The following CDH18 variants were observed in gnomAD, a reference collection of about 807,000 sequenced individuals.
CDH18 encodes cadherin-18.
Under a neutral mutation model 67.9 loss-of-function variants are expected in CDH18, and 31 were observed. That is an observed-to-expected ratio of 0.46 (90% CI 0.34 to 0.62). CDH18 has a LOEUF of 0.62. CDH18 is among the 20% of genes least tolerant of loss of function. The pLI is 0.01. For synonymous variants in CDH18, 362 were observed against 347.2 expected (o/e 1.04, Z -0.48); for missense variants, 890 against 975.5 (o/e 0.91, Z 1.17).
At chr5:19,987,276 A>G (rs986790301) in intron 1 of CDH18, among the ~76,000 whole-genome samples, 1 of 151,902 alleles carries the variant, frequency 6.6e-6, no homozygotes, top group Admixed American at 6.6e-5. Flanking sequence ...ACACACACAC[A>G]CACACACACA....
intron 4 of CDH18, among the ~76,000 whole-genome samples, chr5:19,727,474 A>T (rs991395119): frequency 1.7e-4 from 26 of 152,170 alleles, no homozygotes; most frequent in African/African-American, 6.3e-4. Context: ...GCTATGGGAG[A>T]GCTGTGAAAC....
intron 1 of CDH18, among the ~76,000 whole-genome samples, chr5:20,335,636 T>C (rs1446775667): frequency 6.6e-6 from 1 of 152,226 alleles, no homozygotes; most frequent in Non-Finnish European, 1.5e-5. Context: ...TACTTCAACT[T>C]ATTTATTTGA....
At chr5:19,580,352 A>G (rs919992764) in intron 7 of CDH18, among the ~76,000 whole-genome samples, 1 of 151,890 alleles carries the variant, frequency 6.6e-6, no homozygotes, top group African/African-American at 2.4e-5. Context: ...AACCTATATC[A>G]TTAACAGTTG....
At chr5:20,143,910 C>T (rs1750434760) in intron 2 of CDH18, among the ~76,000 whole-genome samples, 1 of 152,134 alleles carries the variant, frequency 6.6e-6, no homozygotes, top group Non-Finnish European at 1.5e-5. Flanking sequence ...TCCAATCAAC[C>T]ATGTCAGTAG....
At chr5:19,875,395 TATAGATAG>T (rs56837232) in intron 2 of CDH18, among the ~76,000 whole-genome samples, 2,172 of 147,644 alleles carry the variant, frequency 0.015, 21 homozygotes, top group African/African-American at 0.018. Context: ...CTTCCATGGG[TATAGATAG>T]ATAGATAGAT....
At chr5:19,902,876 T>A (rs751229422) in intron 2 of CDH18, among the ~76,000 whole-genome samples, 158 of 152,296 alleles carry the variant, frequency 1.0e-3, no homozygotes, top group Non-Finnish European at 1.3e-3. Context: ...GTTTAACTCT[T>A]ATGAAGCACC....
At chr5:20,035,542 G>C (rs917795316) in intron 2 of CDH18, among the ~76,000 whole-genome samples, 3 of 151,946 alleles carry the variant, frequency 2.0e-5, no homozygotes, top group African/African-American at 4.8e-5. Context: ...GCAGGTGAGA[G>C]AGTGAAAAGT....
chr5:20,446,017 A>G (rs1309404351), intron 1 of CDH18, among the ~76,000 whole-genome samples: 1 of 152,064 alleles, frequency 6.6e-6, no homozygotes, highest in East Asian at 1.9e-4. Flanking sequence ...TATTTGATTG[A>G]AGTTTATGGT....
intron 1 of CDH18, among the ~76,000 whole-genome samples, chr5:20,562,316 G>T (rs1758266545): frequency 6.6e-6 from 1 of 151,620 alleles, no homozygotes; most frequent in Admixed American, 6.6e-5. Flanking sequence ...TATACACAAA[G>T]GAATACAGGA....
chr5:20,165,448 T>C (rs1360480048), intron 2 of CDH18, among the ~76,000 whole-genome samples: 3 of 152,096 alleles, frequency 2.0e-5, no homozygotes, highest in Admixed American at 6.6e-5. Context: ...TTTCTGACAA[T>C]TTTTTAAGTG....
chr5:20,291,307 T>C (rs1053716718), intron 1 of CDH18, among the ~76,000 whole-genome samples: 1 of 151,976 alleles, frequency 6.6e-6, no homozygotes, highest in African/African-American at 2.4e-5. Flanking sequence ...CTCAGAGAAA[T>C]TGACAGCCAG....
chr5:19,472,744 A>T lies in CDH18; in HGVS notation c.*482T>A, dbSNP rs1476475586. Reference sequence around the variant, plus strand: ...CAAGACAAGGCTAATGAGATCTGTTATAATAACAGAGTGTGGTTCTCAAGG... The same window carrying T: ...CAAGACAAGGCTAATGAGATCTGTTTTAATAACAGAGTGTGGTTCTCAAGG... On this transcript the variant is annotated 3_prime_UTR_variant, in exon 13 of 13. Coordinates refer to ENST00000382275, the MANE Select transcript of CDH18 (RefSeq NM_004934.5). 6.6e-6 allele frequency among the ~76,000 whole-genome samples: 1 copy of T among 152,140 alleles called. No individual in the cohort carries two copies. The highest frequency in any genetic ancestry group is 1.5e-5 in the Non-Finnish European group (1 of 68,016).
intron 2 of CDH18, among the ~76,000 whole-genome samples, chr5:20,065,399 A>T (rs1992043): frequency 0.79 from 120,026 of 151,804 alleles, 49,889 homozygotes; most frequent in Non-Finnish European, 0.91. Flanking sequence ...TTCCCATAAT[A>T]TCCTGAGAAT....
At chr5:20,189,571 C>G (rs984179474) in intron 2 of CDH18, among the ~76,000 whole-genome samples, 1 of 152,082 alleles carries the variant, frequency 6.6e-6, no homozygotes, top group African/African-American at 2.4e-5. Flanking sequence ...GAGGGAGATA[C>G]TTATTATCCC....
intron 1 of CDH18, among the ~76,000 whole-genome samples, chr5:20,535,933 C>T (rs1213569175): frequency 1.3e-5 from 2 of 152,164 alleles, no homozygotes; most frequent in Non-Finnish European, 1.5e-5. Context: ...GGCTGTATTT[C>T]ACTTTCTACT....
At chr5:19,547,739 T>C (rs1174400292) in intron 8 of CDH18, among the ~76,000 whole-genome samples, 1 of 152,220 alleles carries the variant, frequency 6.6e-6, no homozygotes, top group Non-Finnish European at 1.5e-5. Flanking sequence ...GCTTCCGAGT[T>C]TCCTAAGCTA....
chr5:20,510,443 A>G (rs1373525769), intron 1 of CDH18, among the ~76,000 whole-genome samples: 2 of 152,072 alleles, frequency 1.3e-5, no homozygotes, highest in Admixed American at 6.6e-5. Context: ...AAATTACGGG[A>G]TTTCCTCTTT....
chr5:19,938,704 A>G (rs1794528662), intron 2 of CDH18, among the ~76,000 whole-genome samples: 1 of 151,472 alleles, frequency 6.6e-6, no homozygotes, highest in African/African-American at 2.4e-5. Flanking sequence ...TGTTGACCAA[A>G]AAATGTAGAA....
At chr5:19,888,183 T>C (rs1174925401) in intron 2 of CDH18, among the ~76,000 whole-genome samples, 2 of 152,174 alleles carry the variant, frequency 1.3e-5, no homozygotes, top group Admixed American at 6.6e-5. Flanking sequence ...ATTTTTGCTA[T>C]CTTTGGCCAT....
Sources: gnomAD v4.1 joint callset for allele counts (sites outside exome capture counted in the v4.1 genomes callset) on GRCh38, gnomAD v4.1.1 for gene constraint, MANE v1.5 for transcripts, NCBI Gene and HGNC (gene_info 2026-07-23, HGNC 2026-07-21) for gene names.